Variants in SMIM36 observed in about 807,000 individuals in gnomAD.
The protein encoded by SMIM36 is small integral membrane protein 36.
Position 55,485,123 on chromosome 17 carries a change from TTTTC to T in SMIM36, c.*175-5547_*175-5544del, listed in dbSNP as rs548855560. ...GGGTAAAATGACATGATATATATGA[TTTTC>T]TTTAAAATATTTTATTAAAGGATAG... On this transcript the variant is annotated intron_variant, in intron 1 of 4. Transcript: ENST00000636752. 3.9e-5 allele frequency among the ~76,000 whole-genome samples: 6 copies of T among 152,280 alleles called. No individual in the cohort carries two copies. In the South Asian group the frequency reaches 1.2e-3, roughly 32 times the overall value.
At chr17:55,476,942 A>G (rs1909436812) in intron 3 of SMIM36, 1 of 152,186 alleles carries the variant, frequency 6.6e-6, no homozygotes, top group Non-Finnish European at 1.5e-5. Context: ...AAATTTGCAC[A>G]TTTTCAGGGA....
intron 3 of SMIM36, among the ~76,000 whole-genome samples, chr17:55,469,390 C>G (rs751796465): frequency 9.9e-5 from 15 of 152,150 alleles, no homozygotes; most frequent in Non-Finnish European, 1.8e-4. Context: ...ATATAAAAAG[C>G]CAGCCCAGTT....
chr17:55,497,900 C>T (rs1259596225), intron 1 of SMIM36, among the ~76,000 whole-genome samples: 3 of 152,142 alleles, frequency 2.0e-5, no homozygotes, highest in Non-Finnish European at 2.9e-5. Flanking sequence ...ATTGCACATC[C>T]TAAACATTCC....
intron 1 of SMIM36, among the ~76,000 whole-genome samples, chr17:55,484,102 TATA>T (rs1310674708): frequency 6.6e-6 from 1 of 152,126 alleles, no homozygotes; most frequent in Non-Finnish European, 1.5e-5. Flanking sequence ...CCCATGAATT[TATA>T]ATGATACAAA....
At chr17:55,498,824 C>T (rs1020184040) in intron 1 of SMIM36, among the ~76,000 whole-genome samples, 2 of 151,652 alleles carry the variant, frequency 1.3e-5, no homozygotes, top group Non-Finnish European at 2.9e-5. Flanking sequence ...CATGACAAAA[C>T]CCCGTCTCTA....
intron 4 of SMIM36, among the ~76,000 whole-genome samples, chr17:55,456,623 G>A (rs74502020): frequency 0.035 from 5,366 of 152,238 alleles, 276 homozygotes; most frequent in African/African-American, 0.11. Context: ...CAAGGACAAT[G>A]TGATTGTTAA....
In SMIM36 at chr17:55,472,913, C is replaced by T. The variant is rs117380508; in HGVS notation, c.*348-5585G>A. ...AAAAGAAAAAAGAAAATGCCTCTGC[C>T]GACAGGATAGCAAAAGAAATAGCCA... On this transcript the variant is annotated intron_variant, in intron 3 of 4. Transcript: ENST00000636752. Among the ~76,000 whole-genome samples, 1,035 of 151,660 alleles carry T rather than the reference C, an allele frequency of 6.8e-3. 2 individuals carry two copies. The highest frequency in any genetic ancestry group is 0.011 in the Non-Finnish European group (742 of 67,872).
At chr17:55,479,765 CA>C (rs1359180688) in intron 1 of SMIM36, among the ~76,000 whole-genome samples, 185 bp from the exon 2 acceptor site, 1 of 152,074 alleles carries the variant, frequency 6.6e-6, no homozygotes, top group African/African-American at 2.4e-5. Context: ...AAAGTAAGGA[CA>C]ACAATATTTT....
intron 1 of SMIM36, among the ~76,000 whole-genome samples, chr17:55,486,130 G>C (rs1051477494): frequency 3.3e-5 from 5 of 151,358 alleles, no homozygotes; most frequent in Non-Finnish European, 7.4e-5. Context: ...CGCCTCCCGG[G>C]TTCAAGTGAT....
chr17:55,459,785 C>T (rs896781190), intron 4 of SMIM36, among the ~76,000 whole-genome samples: 1 of 151,580 alleles, frequency 6.6e-6, no homozygotes, highest in African/African-American at 2.4e-5. Context: ...GCGCTTGAGC[C>T]CAGAAATTCG....
At chr17:55,465,734 A>T (rs1037200124) in intron 4 of SMIM36, among the ~76,000 whole-genome samples, 1 of 152,038 alleles carries the variant, frequency 6.6e-6, no homozygotes, top group African/African-American at 2.4e-5. Flanking sequence ...TTAGAATGGT[A>T]TAGAGGAGAG....
At chr17:55,468,604 G>A (rs1055093553) in intron 3 of SMIM36, among the ~76,000 whole-genome samples, 6 of 152,080 alleles carry the variant, frequency 3.9e-5, no homozygotes, top group African/African-American at 1.2e-4. Context: ...TCCCTTGGTG[G>A]CAAGTCAATT....
chr17:55,517,481 G>A, the SMIM36 span, among the ~76,000 whole-genome samples: 1 of 152,114 alleles, frequency 6.6e-6, no homozygotes, highest in Non-Finnish European at 1.5e-5. Flanking sequence ...GAGAATCGCT[G>A]GAACCTGGGA....
chr17:55,464,683 T>C (rs1312320056), intron 4 of SMIM36, among the ~76,000 whole-genome samples: 4 of 152,192 alleles, frequency 2.6e-5, no homozygotes, highest in African/African-American at 9.7e-5. Flanking sequence ...GTTATAGGGA[T>C]TACATAGTCA....
At position 55,501,003 on chromosome 17, in the gene SMIM36, C is replaced by CTATTTT. The variant is rs1909922209; in HGVS notation, c.*174+9875_*174+9876insAAAATA. 9.0e-4 allele frequency among the ~76,000 whole-genome samples: 4 copies of CTATTTT among 4,422 alleles called. 2 individuals carry two copies. The highest frequency in any genetic ancestry group is 1.2e-3 in the Non-Finnish European group (4 of 3,476). 2.9% of individuals were successfully genotyped at this position (4,422 alleles called of 152,430 possible). ...ATATATTATATATTATAATATGTAA[C>CTATTTT]ATATTATTATATTTTGTAATATATA... On this transcript the variant is annotated intron_variant, in intron 1 of 4. Transcript: ENST00000636752.
At chr17:55,457,992 T>G (rs950285039) in intron 4 of SMIM36, among the ~76,000 whole-genome samples, 1 of 152,214 alleles carries the variant, frequency 6.6e-6, no homozygotes, top group Non-Finnish European at 1.5e-5. Context: ...CTGAACATTT[T>G]CATGCGAGTA....
At chr17:55,498,575 T>C (rs1341402821) in intron 1 of SMIM36, among the ~76,000 whole-genome samples, 1 of 145,384 alleles carries the variant, frequency 6.9e-6, no homozygotes, top group East Asian at 2.0e-4. Context: ...CATCTTAAGA[T>C]TATATCCATT....
At chr17:55,492,308 C>T (rs779220436) in intron 1 of SMIM36, among the ~76,000 whole-genome samples, 16 of 135,916 alleles carry the variant, frequency 1.2e-4, no homozygotes, top group Non-Finnish European at 1.7e-4. Context: ...AATGGCGCGA[C>T]CTTGGCTCAC....
intron 1 of SMIM36, among the ~76,000 whole-genome samples, chr17:55,507,865 C>G (rs910490958): frequency 6.6e-6 from 1 of 152,154 alleles, no homozygotes; most frequent in Admixed American, 6.5e-5. Context: ...GTCGTGCTGA[C>G]ATTTAAAGAT....
Sources: allele counts gnomAD v4.1 joint callset (sites outside exome capture counted in the v4.1 genomes callset), GRCh38; gene constraint gnomAD v4.1.1; transcripts MANE v1.5; gene names NCBI Gene and HGNC (gene_info 2026-07-23, HGNC 2026-07-21).